Variants in XKR9 observed in about 807,000 individuals in gnomAD.
The protein encoded by XKR9 is XK-related protein 9.
A neutral mutation model predicts 32.0 loss-of-function variants in XKR9; 32 were observed. The observed-to-expected ratio is 1.00, with a 90% CI of 0.76 to 1.34. The LOEUF (loss-of-function observed/expected upper bound fraction) is 1.34. XKR9 is among the 40% of genes most tolerant of loss of function. The pLI is 0.00. For synonymous variants in XKR9, 168 were observed against 143.4 expected, an observed-to-expected ratio of 1.17 and a Z score of -1.22; for missense variants, 546 against 429.7, an observed-to-expected ratio of 1.27 and a Z score of -2.39.
downstream of XKR9, among the ~76,000 whole-genome samples, chr8:70,737,368 G>A (rs1449093961): frequency 0.01 from 1,526 of 148,008 alleles, 26 homozygotes; most frequent in African/African-American, 0.036. Flanking sequence ...GAGATTTTGG[G>A]CTGAGACAAT....
At chr8:70,960,816 G>A in the XKR9 span, among the ~76,000 whole-genome samples, 1 of 151,638 alleles carries the variant, frequency 6.6e-6, no homozygotes, top group South Asian at 2.1e-4. Context: ...GGGCTTCAGT[G>A]AGCCTTGATT....
chr8:70,736,740 CTTGT>C (rs1220542593), downstream of XKR9, among the ~76,000 whole-genome samples: 4 of 152,080 alleles, frequency 2.6e-5, no homozygotes, highest in African/African-American at 9.7e-5. Context: ...TTCCCCATTG[CTTGT>C]TTTTGTCAGG....
At chr8:70,973,012 A>G in the XKR9 span, among the ~76,000 whole-genome samples, 6 of 152,062 alleles carry the variant, frequency 3.9e-5, no homozygotes, top group African/African-American at 1.4e-4. Flanking sequence ...TTCTTTCCCT[A>G]TCTTTTGGAA....
chr8:70,824,718 C>G, the XKR9 span, among the ~76,000 whole-genome samples: 1 of 151,896 alleles, frequency 6.6e-6, no homozygotes. Context: ...ACATTTTTAC[C>G]CTAGGAACAT....
the XKR9 span, among the ~76,000 whole-genome samples, chr8:70,915,618 CTCTA>C: frequency 1.6e-4 from 25 of 152,142 alleles, no homozygotes; most frequent in Non-Finnish European, 7.4e-5. Context: ...TTAATCTACA[CTCTA>C]TCTAGAACTG....
At position 70,669,508 on chromosome 8, in the gene XKR9, A is replaced by G; in HGVS notation, c.-391A>G. On this transcript the variant is annotated 5_prime_UTR_variant, in exon 1 of 5. Transcript: ENST00000408926. ...ATCCAAGTGGGCGAGAGACATTTTA[A>G]TCTGGAAGAGTCTTGTGATTTGGGA... The G allele has an allele frequency of 4.4e-6, 1 of 228,366 alleles. No individual in the cohort carries two copies. The highest frequency in any genetic ancestry group is 8.8e-6 in the Non-Finnish European group (1 of 113,606). 14.1% of individuals were successfully genotyped at this position (228,366 alleles called of 1,614,324 possible).
the XKR9 span, among the ~76,000 whole-genome samples, chr8:70,943,405 G>T: frequency 6.6e-6 from 1 of 152,242 alleles, no homozygotes; most frequent in East Asian, 1.9e-4. Context: ...TAAAGTAGGA[G>T]CATATGGATT....
At chr8:70,701,405 G>C (rs1805530333) in intron 3 of XKR9, among the ~76,000 whole-genome samples, 1 of 152,118 alleles carries the variant, frequency 6.6e-6, no homozygotes, top group African/African-American at 2.4e-5. Context: ...ATTCCAATGT[G>C]AGTACCTGGA....
the XKR9 span, among the ~76,000 whole-genome samples, chr8:70,961,895 G>A: frequency 6.6e-5 from 10 of 152,172 alleles, no homozygotes; most frequent in Non-Finnish European, 5.9e-5. Context: ...AAAAATTTAC[G>A]AAAGTTACTG....
the XKR9 span, among the ~76,000 whole-genome samples, chr8:71,021,120 G>T: frequency 6.6e-6 from 1 of 152,132 alleles, no homozygotes; most frequent in Non-Finnish European, 1.5e-5. Context: ...GCAGTGACAG[G>T]TTCTTTTTAA....
chr8:70,864,039 A>G, the XKR9 span, among the ~76,000 whole-genome samples: 14 of 152,190 alleles, frequency 9.2e-5, no homozygotes, highest in Non-Finnish European at 2.1e-4. Flanking sequence ...GCACATATTA[A>G]TACTTACACT....
the XKR9 span, among the ~76,000 whole-genome samples, chr8:71,028,908 A>AAGG: frequency 6.6e-6 from 1 of 150,866 alleles, no homozygotes. Context: ...GACACACAGA[A>AAGG]AGAGAGAGAG....
the XKR9 span, among the ~76,000 whole-genome samples, chr8:70,822,228 C>A: frequency 6.6e-6 from 1 of 152,230 alleles, no homozygotes; most frequent in Non-Finnish European, 1.5e-5. Context: ...TGTTGTATCA[C>A]ATAACATTTA....
At chr8:70,863,388 T>TA in the XKR9 span, among the ~76,000 whole-genome samples, 1 of 152,232 alleles carries the variant, frequency 6.6e-6, no homozygotes, top group Non-Finnish European at 1.5e-5. Context: ...AGTAGGACAC[T>TA]AATTTAAAGT....
chr8:70,742,171 T>C (rs7016334), intron 2 of XKR9, among the ~76,000 whole-genome samples: 80,803 of 152,008 alleles, frequency 0.53, 22,487 homozygotes, highest in Middle Eastern at 0.62. Context: ...TGTAACTGAA[T>C]AACAACAAAA....
chr8:70,721,714 G>T (rs181849854), intron 4 of XKR9, among the ~76,000 whole-genome samples: 2 of 151,964 alleles, frequency 1.3e-5, no homozygotes, highest in Non-Finnish European at 2.9e-5. Context: ...GGAGGGTTTC[G>T]CTTCCAATTA....
At chr8:70,997,738 C>G in the XKR9 span, among the ~76,000 whole-genome samples, 2 of 152,082 alleles carry the variant, frequency 1.3e-5, no homozygotes, top group African/African-American at 4.8e-5. Flanking sequence ...AACCAAATAC[C>G]ACCTGTTCCC....
At chr8:70,894,940 C>T in the XKR9 span, among the ~76,000 whole-genome samples, 4 of 152,154 alleles carry the variant, frequency 2.6e-5, no homozygotes, top group Admixed American at 2.6e-4. Context: ...ACAAGATACA[C>T]TCCAGCTGTA....
At chr8:71,029,854 C>T in the XKR9 span, among the ~76,000 whole-genome samples, 7 of 151,712 alleles carry the variant, frequency 4.6e-5, no homozygotes, top group Admixed American at 6.6e-5. Context: ...AACCAGAGTG[C>T]GCCTCTAAAG....
Sources: gnomAD v4.1 joint callset for allele counts (sites outside exome capture counted in the v4.1 genomes callset) on GRCh38, gnomAD v4.1.1 for gene constraint, MANE v1.5 for transcripts, NCBI Gene and HGNC (gene_info 2026-07-23, HGNC 2026-07-21) for gene names.